The following LRRC4C variants were observed in gnomAD, a reference collection of about 807,000 sequenced individuals.
The protein encoded by LRRC4C is leucine rich repeat containing 4C.
In LRRC4C, 5 loss-of-function variants were observed where a neutral mutation model predicts 33.6. The observed-to-expected ratio is 0.15, with a 90% confidence interval of 0.08 to 0.31. The LOEUF is 0.31. Among genes scored for constraint, LRRC4C ranks in the 10% least tolerant of loss-of-function variants. The pLI, the probability that LRRC4C is intolerant of heterozygous loss-of-function variation, is 1.00. For synonymous variants in LRRC4C, 329 were observed against 302.0 expected, an observed-to-expected ratio of 1.09 and a Z score of -0.93; for missense variants, 560 against 796.7, an observed-to-expected ratio of 0.70 and a Z score of 3.58.
In LRRC4C at chr11:40,333,443, G is replaced by A. The variant is rs551588595; in HGVS notation, c.-269-13722C>T. Among the ~76,000 whole-genome samples the A allele has an allele frequency of 3.9e-5, 6 of 152,098 alleles. No homozygotes were observed. In the East Asian group the frequency reaches 5.8e-4, roughly 15 times the overall value. On this transcript the variant is annotated intron_variant, in intron 3 of 6. Coordinates refer to ENST00000528697, the MANE Select transcript of LRRC4C (RefSeq NM_001258419.2). ...TTTAAAATTGTAAATATGGCCTGGC[G>A]TGGTGGCTCACACCTGTAATCCTAG...
At chr11:40,830,377 A>C (rs1952358025) in intron 2 of LRRC4C, among the ~76,000 whole-genome samples, 1 of 152,068 alleles carries the variant, frequency 6.6e-6, no homozygotes, top group Non-Finnish European at 1.5e-5. Context: ...TCAACTACTG[A>C]CTGTTCCTGA....
chr11:40,624,718 G>A lies in LRRC4C; in HGVS notation c.-270+23424C>T, dbSNP rs146584834. ...ATGTAAGGCTTTGGAATCTTGTAGG[G>A]TATAGTACAACCCATGTTCCTTTAC... On this transcript the variant is annotated intron_variant, in intron 3 of 6. Coordinates refer to ENST00000528697, the MANE Select transcript of LRRC4C (RefSeq NM_001258419.2). 2.7e-3 allele frequency among the ~76,000 whole-genome samples: 404 copies of A among 152,220 alleles called. 1 individual carries two copies. Among genetic ancestry groups the A allele is most frequent in the African/African-American group, 9.4e-3 (391 of 41,512 alleles).
intron 1 of LRRC4C, among the ~76,000 whole-genome samples, chr11:41,349,589 G>A (rs1038370337): frequency 6.6e-6 from 1 of 152,174 alleles, no homozygotes; most frequent in African/African-American, 2.4e-5. Context: ...CAGAAATGGA[G>A]CTAATTGACT....
At chr11:40,723,421 A>G (rs1410210943) in intron 2 of LRRC4C, among the ~76,000 whole-genome samples, 6 of 152,186 alleles carry the variant, frequency 3.9e-5, no homozygotes, top group African/African-American at 9.7e-5. Flanking sequence ...TCAGCAGGAA[A>G]CTTACAAGTC....
chr11:40,560,743 A>T (rs1479460310), intron 3 of LRRC4C, among the ~76,000 whole-genome samples: 6 of 152,182 alleles, frequency 3.9e-5, no homozygotes, highest in Non-Finnish European at 8.8e-5. Context: ...GATCATTCTA[A>T]TCTGATCTAA....
intron 3 of LRRC4C, among the ~76,000 whole-genome samples, chr11:40,367,295 G>C (rs957533308): frequency 4.6e-5 from 7 of 151,960 alleles, no homozygotes; most frequent in African/African-American, 1.7e-4. Flanking sequence ...TACTGATATA[G>C]AACAACACAG....
chr11:40,342,554 G>A (rs753624678), intron 3 of LRRC4C, among the ~76,000 whole-genome samples: 2 of 152,020 alleles, frequency 1.3e-5, no homozygotes, highest in Non-Finnish European at 2.9e-5. Context: ...TAGAAAATAG[G>A]TAAAGAAGAT....
At chr11:41,365,982 T>G (rs1189435699) in intron 1 of LRRC4C, among the ~76,000 whole-genome samples, 1 of 152,194 alleles carries the variant, frequency 6.6e-6, no homozygotes, top group African/African-American at 2.4e-5. Context: ...TGGAGTAGGA[T>G]TCAGTGAGAC....
chr11:40,622,431 T>C (rs1028636522), intron 3 of LRRC4C, among the ~76,000 whole-genome samples: 2 of 151,862 alleles, frequency 1.3e-5, no homozygotes, highest in African/African-American at 4.8e-5. Flanking sequence ...TTTTGTCTTC[T>C]GCCTCAAAAT....
At chr11:40,967,802 C>G (rs1851462991) in intron 1 of LRRC4C, among the ~76,000 whole-genome samples, 1 of 151,230 alleles carries the variant, frequency 6.6e-6, no homozygotes, top group Admixed American at 6.6e-5. Flanking sequence ...AATAATTATT[C>G]AATATTTTTG....
intron 1 of LRRC4C, among the ~76,000 whole-genome samples, chr11:41,070,532 A>G (rs1026500352): frequency 1.3e-5 from 2 of 152,168 alleles, no homozygotes; most frequent in African/African-American, 4.8e-5. Flanking sequence ...ACAAAGGTCT[A>G]ATATCCAGAA....
At chr11:40,353,307 A>G (rs1013642731) in intron 3 of LRRC4C, among the ~76,000 whole-genome samples, 1 of 151,560 alleles carries the variant, frequency 6.6e-6, no homozygotes, top group Admixed American at 6.6e-5. Flanking sequence ...TCTATTTTTA[A>G]ATAGGTTGGC....
intron 1 of LRRC4C, among the ~76,000 whole-genome samples, chr11:41,394,175 A>T (rs533827957): frequency 3.3e-5 from 5 of 151,946 alleles, no homozygotes; most frequent in Non-Finnish European, 2.9e-5. Context: ...AATGGAGTTC[A>T]TAATAGTGGC....
chr11:40,130,347 T>C (rs1443237506), intron 6 of LRRC4C, among the ~76,000 whole-genome samples: 1 of 152,188 alleles, frequency 6.6e-6, no homozygotes, highest in African/African-American at 2.4e-5. Flanking sequence ...CTTCTTTTTT[T>C]CTTCCTGTTT....
rs565096712 is a variant in LRRC4C, at chr11:40,323,989, C to T, written c.-269-4268G>A. On this transcript the variant is annotated intron_variant, in intron 3 of 6. Coordinates refer to ENST00000528697, the MANE Select transcript of LRRC4C (RefSeq NM_001258419.2). ...GATCTCACTAGTCGGCGGGAAGATCCTATAAAAGAGCCTGACACCTTCCCT... is the reference window on the plus strand; with the variant it reads ...GATCTCACTAGTCGGCGGGAAGATCTTATAAAAGAGCCTGACACCTTCCCT... 7.2e-5 allele frequency among the ~76,000 whole-genome samples: 11 copies of T among 152,202 alleles called. No homozygotes were observed. In the South Asian group the frequency reaches 8.3e-4, roughly 11 times the overall value.
chr11:41,287,542 T>C (rs533210457), intron 1 of LRRC4C, among the ~76,000 whole-genome samples: 47 of 152,318 alleles, frequency 3.1e-4, no homozygotes, highest in African/African-American at 1.1e-3. Context: ...TCTTTTTCAG[T>C]AGAAAACTAC....
intron 1 of LRRC4C, among the ~76,000 whole-genome samples, chr11:41,256,272 A>G (rs11036319): frequency 0.18 from 27,043 of 151,774 alleles, 2,969 homozygotes; most frequent in East Asian, 0.44. Context: ...CAATCAATCC[A>G]TCCAGGAAAA....
chr11:40,269,382 G>A (rs1590869158), intron 4 of LRRC4C, among the ~76,000 whole-genome samples: 2 of 151,912 alleles, frequency 1.3e-5, no homozygotes, highest in African/African-American at 4.8e-5. Context: ...GAATGAAGTG[G>A]GTATTATTAT....
chr11:41,056,889 A>C (rs1858659644), intron 1 of LRRC4C, among the ~76,000 whole-genome samples: 1 of 152,202 alleles, frequency 6.6e-6, no homozygotes, highest in East Asian at 1.9e-4. Flanking sequence ...GGGCTGCTGC[A>C]TGCTTCATGG....
Sources: allele counts gnomAD v4.1 joint callset (sites outside exome capture counted in the v4.1 genomes callset), GRCh38; gene constraint gnomAD v4.1.1; transcripts MANE v1.5; gene names NCBI Gene and HGNC (gene_info 2026-07-23, HGNC 2026-07-21).